TOX: variants seen among roughly 807,000 people sequenced by gnomAD.
TOX encodes thymocyte selection associated high mobility group box, also known as thymocyte selection-associated high mobility group box protein TOX.
In TOX, 11 loss-of-function variants were observed where a neutral mutation model predicts 53.7. The ratio of observed to expected loss-of-function variants is 0.20; its 90% CI spans 0.13 to 0.34. TOX has a LOEUF of 0.34. Among genes scored for constraint, TOX ranks in the 10% least tolerant of loss-of-function variants. The pLI is 1.00. For synonymous variants in TOX, 225 were observed against 245.3 expected, an observed-to-expected ratio of 0.92 and a Z score of 0.77; for missense variants, 570 against 664.6, an observed-to-expected ratio of 0.86 and a Z score of 1.56.
chr8:58,838,500 A>G (rs188905197), intron 4 of TOX, among the ~76,000 whole-genome samples, 189 bp from the exon 5 acceptor site: 293 of 152,084 alleles, frequency 1.9e-3, no homozygotes, highest in Non-Finnish European at 2.8e-3. Flanking sequence ...TAGTCTTCAT[A>G]TTCATCCTAC....
At chr8:59,012,591 T>G (rs1213442504) in intron 1 of TOX, among the ~76,000 whole-genome samples, 1 of 152,222 alleles carries the variant, frequency 6.6e-6, no homozygotes. Flanking sequence ...ATCAGGATAT[T>G]GTTTTGTCTC....
intron 1 of TOX, among the ~76,000 whole-genome samples, chr8:59,036,914 T>C (rs1446080762): frequency 1.3e-5 from 2 of 152,220 alleles, no homozygotes; most frequent in Non-Finnish European, 2.9e-5. Flanking sequence ...AATCCTTCCT[T>C]AGCCTTCATG....
intron 1 of TOX, among the ~76,000 whole-genome samples, chr8:59,034,794 C>A (rs991217920): frequency 1.3e-5 from 2 of 152,216 alleles, no homozygotes; most frequent in African/African-American, 4.8e-5. Context: ...ACCTACACGG[C>A]TCTCATTATG....
chr8:58,849,782 C>T (rs1207846878), intron 4 of TOX, among the ~76,000 whole-genome samples: 3 of 152,138 alleles, frequency 2.0e-5, no homozygotes, highest in Non-Finnish European at 4.4e-5. Context: ...ATGAGCAGAA[C>T]ATTAATTTTT....
chr8:59,038,071 T>C (rs1334453213), intron 1 of TOX, among the ~76,000 whole-genome samples: 1 of 152,182 alleles, frequency 6.6e-6, no homozygotes, highest in Non-Finnish European at 1.5e-5. Context: ...ACAGTGACAC[T>C]AATTAAATCC....
intron 1 of TOX, among the ~76,000 whole-genome samples, chr8:58,978,472 C>T (rs1791118941): frequency 6.6e-6 from 1 of 152,174 alleles, no homozygotes; most frequent in Non-Finnish European, 1.5e-5. Context: ...CTTAGACCAT[C>T]TTAGACAACA....
At chr8:58,978,484 A>G (rs1423973612) in intron 1 of TOX, among the ~76,000 whole-genome samples, 1 of 152,232 alleles carries the variant, frequency 6.6e-6, no homozygotes, top group Non-Finnish European at 1.5e-5. Flanking sequence ...TAGACAACAT[A>G]AGGTATCTAA....
chr8:59,092,922 C>A (rs1804651071), intron 1 of TOX, among the ~76,000 whole-genome samples: 1 of 152,180 alleles, frequency 6.6e-6, no homozygotes, highest in African/African-American at 2.4e-5. Context: ...ACCACTCTGA[C>A]ATAAACTATT....
chr8:58,963,314 T>TATAGATAG (rs1554533755), intron 1 of TOX, among the ~76,000 whole-genome samples: 8,516 of 130,664 alleles, frequency 0.065, 437 homozygotes, highest in African/African-American at 0.15. Flanking sequence ...TAGATATATA[T>TATAGATAG]ATAGATAGAT....
Position 58,980,409 on chromosome 8 carries a change from GA to G in TOX, c.103-20402del, listed in dbSNP as rs200885109. Among the ~76,000 whole-genome samples the G allele has an allele frequency of 5.4e-5, 8 of 148,276 alleles. No individual in the cohort carries two copies. In the South Asian group the frequency reaches 6.4e-4, roughly 12 times the overall value. On this transcript the variant is annotated intron_variant, in intron 1 of 8. Coordinates refer to ENST00000361421, the MANE Select transcript of TOX (RefSeq NM_014729.3). ...TGTCCAATACTGGAAGGTGTACTCT[GA>G]AAAAAAAAACTAAGATTTACTCTTC...
chr8:58,960,974 C>T (rs1023091055), intron 1 of TOX, among the ~76,000 whole-genome samples: 1 of 152,138 alleles, frequency 6.6e-6, no homozygotes, highest in African/African-American at 2.4e-5. Flanking sequence ...CATTGGTGGA[C>T]TAACTTCAGA....
At chr8:58,882,032 T>G (rs1194804334) in intron 3 of TOX, among the ~76,000 whole-genome samples, 1 of 152,230 alleles carries the variant, frequency 6.6e-6, no homozygotes, top group African/African-American at 2.4e-5. Context: ...GTAACTTCCC[T>G]CATGTAAGTA....
intron 1 of TOX, among the ~76,000 whole-genome samples, chr8:59,044,499 A>C (rs1401139483): frequency 6.6e-6 from 1 of 152,178 alleles, no homozygotes; most frequent in Non-Finnish European, 1.5e-5. Context: ...AAAATCCTGG[A>C]GGAGACAACA....
At chr8:58,821,333 A>G (rs1446073277) in intron 6 of TOX, among the ~76,000 whole-genome samples, 1 of 152,106 alleles carries the variant, frequency 6.6e-6, no homozygotes, top group Non-Finnish European at 1.5e-5. Flanking sequence ...TAAAAATAAA[A>G]TTAATAATAA....
chr8:58,923,989 T>A (rs1452658435), intron 3 of TOX, among the ~76,000 whole-genome samples: 1 of 152,214 alleles, frequency 6.6e-6, no homozygotes, highest in African/African-American at 2.4e-5. Flanking sequence ...GGGAATCAAC[T>A]TTCATATCAA....
intron 1 of TOX, among the ~76,000 whole-genome samples, chr8:58,967,456 T>C (rs1304618351): frequency 6.6e-6 from 1 of 152,160 alleles, no homozygotes; most frequent in Non-Finnish European, 1.5e-5. Flanking sequence ...CTTCTGACCT[T>C]TGCTTCCAGG....
At chr8:58,927,174 C>T (rs1812177434) in intron 3 of TOX, among the ~76,000 whole-genome samples, 1 of 151,948 alleles carries the variant, frequency 6.6e-6, no homozygotes, top group Admixed American at 6.6e-5. Context: ...CTCGTTTTCT[C>T]TACTCATTCT....
intron 2 of TOX, among the ~76,000 whole-genome samples, chr8:58,945,760 C>A (rs917284858): frequency 1.1e-4 from 16 of 152,008 alleles, no homozygotes. Context: ...TTCATACGGC[C>A]CAGAGAGAGT....
At chr8:58,960,420 G>T (rs1353924685) in intron 1 of TOX, among the ~76,000 whole-genome samples, 1 of 152,152 alleles carries the variant, frequency 6.6e-6, no homozygotes, top group African/African-American at 2.4e-5. Context: ...GCACAGCTCG[G>T]TGCATTCTGA....
Sources: gnomAD v4.1 joint callset for allele counts (sites outside exome capture counted in the v4.1 genomes callset) on GRCh38, gnomAD v4.1.1 for gene constraint, MANE v1.5 for transcripts, NCBI Gene and HGNC (gene_info 2026-07-23, HGNC 2026-07-21) for gene names.